The following ZNF326 variants were observed in gnomAD, a reference collection of about 807,000 sequenced individuals.
The protein encoded by ZNF326 is DBIRD complex subunit ZNF326.
In ZNF326, 30 loss-of-function variants were observed where a neutral mutation model predicts 63.1. The ratio of observed to expected loss-of-function variants is 0.48; its 90% CI spans 0.36 to 0.64. The LOEUF is 0.64. ZNF326 is among the 30% of genes least tolerant of loss of function. The pLI is 0.00. For missense variants in ZNF326, 609 were observed against 720.3 expected, an observed-to-expected ratio of 0.85 and a Z score of 1.77; for synonymous variants, 194 against 228.2, an observed-to-expected ratio of 0.85 and a Z score of 1.35.
At chr1:90,005,384 GTTAA>G (rs1469316278) in intron 4 of ZNF326, 140 bp downstream of exon 4, 2 of 1,395,630 alleles carry the variant, frequency 1.4e-6, no homozygotes, top group South Asian at 1.8e-5. Flanking sequence ...ATTTAAAGGT[GTTAA>G]TTAATGGGTA....
chr1:89,998,010 T>C, intron 1 of ZNF326, 100 bp from the exon 2 acceptor site: 2 of 1,043,206 alleles, frequency 1.9e-6, no homozygotes, highest in Non-Finnish European at 2.9e-6. Flanking sequence ...TGGGTTAATG[T>C]CATTTTAAAA....
chr1:90,026,016 T>C (rs1649999301), intron 11 of ZNF326, among the ~76,000 whole-genome samples: 1 of 151,500 alleles, frequency 6.6e-6, no homozygotes, highest in South Asian at 2.1e-4. Flanking sequence ...GCCCAGGCCA[T>C]GCAGTGGCGC....
intron 4 of ZNF326, chr1:90,006,234 G>C: frequency 1.0e-6 from 1 of 984,750 alleles, no homozygotes; most frequent in Non-Finnish European, 1.2e-6. Context: ...GTTGGAAATA[G>C]GAATAATTTT....
chr1:90,013,078 GAA>G, intron 6 of ZNF326, 46 bp from the exon 7 acceptor site: 1 of 1,485,782 alleles, frequency 6.7e-7, no homozygotes, highest in East Asian at 2.3e-5. Context: ...TGGAAAGAGA[GAA>G]TGGAAAAATG....
chr1:90,017,281 G>A, intron 7 of ZNF326, 36 bp from the exon 8 acceptor site: 1 of 1,443,450 alleles, frequency 6.9e-7, no homozygotes, highest in Admixed American at 2.4e-5. Context: ...GTTGAATAAA[G>A]TAATATTTAA....
intron 2 of ZNF326, among the ~76,000 whole-genome samples, chr1:89,999,935 A>G (rs934532438): frequency 6.6e-5 from 10 of 152,222 alleles, no homozygotes; most frequent in African/African-American, 2.2e-4. Flanking sequence ...GAAATAGTAA[A>G]CAAGATAAGA....
At chr1:90,006,585 TTTTG>T in intron 4 of ZNF326, 2 of 597,954 alleles carry the variant, frequency 3.3e-6, no homozygotes, top group Non-Finnish European at 4.2e-6. Flanking sequence ...AAGGAAATAA[TTTTG>T]CAAATAATTG....
intron 2 of ZNF326, 45 bp from the exon 3 acceptor site, chr1:90,004,958 A>G (rs367939774): frequency 6.9e-5 from 107 of 1,550,938 alleles, no homozygotes; most frequent in Non-Finnish European, 9.2e-5. Flanking sequence ...ATCCCTGAAG[A>G]GAATGGTGTA....
chr1:90,016,586 G>A (rs971419048), intron 7 of ZNF326, among the ~76,000 whole-genome samples: 7 of 151,864 alleles, frequency 4.6e-5, no homozygotes, highest in African/African-American at 9.7e-5. Context: ...GTGTGGTGGC[G>A]CATGCCTGTA....
In ZNF326 at chr1:90,028,521, A is replaced by T. The variant is rs1228800656; in HGVS notation, c.*820A>T. On this transcript the variant is annotated 3_prime_UTR_variant, in exon 12 of 12. Transcript: ENST00000340281. ...AATCTTCAAGTCTTGCTGAAAATAC[A>T]TTTGATACAAAGTTTTCTGTAGTTG... 1 of 152,170 alleles carries T rather than the reference A, an allele frequency of 6.6e-6. No homozygotes were observed. Among genetic ancestry groups the T allele is most frequent in the East Asian group, 1.9e-4 (1 of 5,198 alleles). The allele number at this position is 152,170 out of a possible 1,614,324, so 9.4% of individuals were successfully genotyped here.
At chr1:90,008,544 A>G (rs1377141264) in intron 5 of ZNF326, among the ~76,000 whole-genome samples, 1 of 152,142 alleles carries the variant, frequency 6.6e-6, no homozygotes, top group Non-Finnish European at 1.5e-5. Flanking sequence ...TTCTTAGGTC[A>G]CTTGATTGAC....
rs1649051795 is a variant in ZNF326 at position 90,007,686 on chromosome 1, C to T, written c.551C>T (p.Thr184Met). 1 of 1,516,472 alleles carries T rather than the reference C, an allele frequency of 6.6e-7. No individual in the cohort carries two copies. The highest frequency in any genetic ancestry group is 8.8e-7 in the Non-Finnish European group (1 of 1,132,958). The allele number at this position is 1,516,472 out of a possible 1,614,324, so 93.9% of individuals were successfully genotyped here. Reference protein sequence around the residue: ...GRGTPAYPESTFGSRNYDAFG... With the variant: ...GRGTPAYPESMFGSRNYDAFG... ...GGAACGCCTGCTTATCCTGAAAGTA[C>T]GTTTGGAAGCAGAAACTATGATGCT... The change falls in exon 5 of 12, where the codon ACG becomes ATG. Residue 184 changes from threonine (T) to methionine (M), a missense_variant. This residue lies in a region of ZNF326 where 113 missense variants were observed against 187.4 expected (regional missense o/e 0.60). Transcript: ENST00000340281. The surrounding 1 kb of genome is among the most constrained non-coding windows in gnomAD (Gnocchi z 4.9).
At chr1:90,016,362 G>A (rs1020011227) in intron 7 of ZNF326, among the ~76,000 whole-genome samples, 2 of 152,046 alleles carry the variant, frequency 1.3e-5, no homozygotes, top group African/African-American at 2.4e-5. Context: ...ATGGAGACTG[G>A]AGACAGAAAC....
At position 90,027,709 on chromosome 1, in the gene ZNF326, G is replaced by T. The variant is rs143802424; in HGVS notation, c.*8G>T. The T allele has an allele frequency of 6.2e-7, 1 of 1,610,642 alleles. No individual in the cohort carries two copies. Among genetic ancestry groups the T allele is most frequent in the Non-Finnish European group, 8.5e-7 (1 of 1,177,510 alleles). On this transcript the variant is annotated 3_prime_UTR_variant, in exon 12 of 12. Transcript: ENST00000340281. ...CAACCTGAAGAAAATTAAATATAAG[G>T]TATTAGATTTAAAAGGAGCTTTACA...
chr1:90,006,995 A>T (rs1649021197), intron 4 of ZNF326, among the ~76,000 whole-genome samples: 1 of 152,232 alleles, frequency 6.6e-6, no homozygotes, highest in African/African-American at 2.4e-5. Context: ...AAAAGTTTGA[A>T]TAGTTTGTGA....
Position 90,020,802 on chromosome 1 carries a change from A to T in ZNF326, c.1185A>T (p.Val395=), listed in dbSNP as rs1362737994. ...IEKDVMEGVT[V]DDHMMKVETV... is the part of the protein sequence containing the mutation. ...GGATGTCTTTTGTAGGTGTTACTGTAGATGATCACATGATGAAGGTAGAGA... is the reference window on the plus strand; with the variant it reads ...GGATGTCTTTTGTAGGTGTTACTGTTGATGATCACATGATGAAGGTAGAGA... Residue 395 remains valine (V), a synonymous_variant, in exon 10 of 12, where the codon GTA becomes GTT. Coordinates refer to ENST00000340281, the MANE Select transcript of ZNF326 (RefSeq NM_182976.4). 6.2e-7 allele frequency: 1 copy of T among 1,610,628 alleles called. No homozygotes were observed. The highest frequency in any genetic ancestry group is 8.5e-7 in the Non-Finnish European group (1 of 1,178,488).
At chr1:90,022,519 G>A (rs1314674236) in intron 11 of ZNF326, among the ~76,000 whole-genome samples, 174 bp downstream of exon 11, 2 of 152,158 alleles carry the variant, frequency 1.3e-5, no homozygotes, top group Non-Finnish European at 2.9e-5. Context: ...GGTTGGTCAA[G>A]ATGGGAGCAG....
chr1:90,000,544 T>G (rs1290504529), intron 2 of ZNF326, among the ~76,000 whole-genome samples: 2 of 152,132 alleles, frequency 1.3e-5, no homozygotes, highest in South Asian at 2.1e-4. Flanking sequence ...ACAAAAAAAT[T>G]TTTTAAAAAC....
chr1:90,021,797 C>G (rs1277877813), intron 10 of ZNF326, among the ~76,000 whole-genome samples: 1 of 152,098 alleles, frequency 6.6e-6, no homozygotes, highest in African/African-American at 2.4e-5. Flanking sequence ...TTTTTCTTCT[C>G]TTGATATTCC....
Sources: allele counts gnomAD v4.1 joint callset (sites outside exome capture counted in the v4.1 genomes callset), GRCh38; gene constraint gnomAD v4.1.1; regional missense constraint gnomAD v4.1.1; non-coding constraint Gnocchi (gnomAD v3.1); transcripts MANE v1.5; gene names NCBI Gene and HGNC (gene_info 2026-07-23, HGNC 2026-07-21).